COL22A1: variants seen among roughly 807,000 people sequenced by gnomAD.
The protein encoded by COL22A1 is collagen type XXII alpha 1 chain.
Under a neutral mutation model 248.9 loss-of-function variants are expected in COL22A1, and 221 were observed. The observed-to-expected ratio is 0.89, with a 90% CI of 0.80 to 0.99. COL22A1 has a LOEUF of 0.99. COL22A1 is among the 50% of genes least tolerant of loss of function. The pLI is 0.00. For missense variants in COL22A1, 2,240 were observed against 2,179.0 expected (o/e 1.03, Z -0.56); for synonymous variants, 891 against 793.4 (o/e 1.12, Z -2.07).
At chr8:138,852,465 G>A (rs1821716244) in intron 3 of COL22A1, among the ~76,000 whole-genome samples, 1 of 152,190 alleles carries the variant, frequency 6.6e-6, no homozygotes, top group South Asian at 2.1e-4. Flanking sequence ...TGAGTCCAAT[G>A]GTGGACATTT....
chr8:138,724,636 C>T lies in COL22A1; in HGVS notation c.2226G>A (p.Lys742=), dbSNP rs1830160802. Residue 742 remains lysine, a synonymous_variant, in exon 25 of 65, where the codon AAG becomes AAA. Coordinates refer to ENST00000303045, the MANE Select transcript of COL22A1 (RefSeq NM_152888.3). ...GLPGEIGFPG[K]PGPPGPTGPP... is the part of the protein sequence containing the mutation. ...TCACCGTGGGCCCAGGAGGTCCAGG[C>T]TTTCCCGGGAAGCCGATCTCTCCAG... is the stretch of plus-strand genomic sequence containing the variant. 6.2e-7 allele frequency: 1 copy of T among 1,614,186 alleles called. No homozygotes were observed. The highest frequency in any genetic ancestry group is 8.5e-7 in the Non-Finnish European group (1 of 1,180,010).
intron 30 of COL22A1, among the ~76,000 whole-genome samples, chr8:138,714,328 C>T (rs1339857299): frequency 2.0e-5 from 3 of 152,218 alleles, no homozygotes; most frequent in Non-Finnish European, 4.4e-5. Flanking sequence ...ATATCCACTC[C>T]TGTTCCTTTC....
At chr8:138,712,587 C>T (rs1829062452) in intron 30 of COL22A1, among the ~76,000 whole-genome samples, 1 of 14,306 alleles carries the variant, frequency 7.0e-5, no homozygotes, top group African/African-American at 1.7e-4. Flanking sequence ...AGGGTTCTAC[C>T]AGCAGAGAGC....
intron 21 of COL22A1, among the ~76,000 whole-genome samples, chr8:138,754,856 A>G (rs1563716431): frequency 6.6e-6 from 1 of 152,200 alleles, no homozygotes; most frequent in African/African-American, 2.4e-5. Context: ...TAAAACATCA[A>G]ACTGAATCCC....
chr8:138,906,348 T>C (rs941679262), intron 1 of COL22A1, among the ~76,000 whole-genome samples: 1 of 136,698 alleles, frequency 7.3e-6, no homozygotes, highest in Non-Finnish European at 1.5e-5. Flanking sequence ...CCAGCCTGGG[T>C]GACAGAGCAT....
intron 54 of COL22A1, 79 bp downstream of exon 54, chr8:138,616,835 C>T (rs1819364691): frequency 6.5e-7 from 1 of 1,540,420 alleles, no homozygotes; most frequent in Non-Finnish European, 9.0e-7. Flanking sequence ...CCATGGCCTG[C>T]AGGCTGCAAG....
In COL22A1 at chr8:138,616,015, A is replaced by AC. The variant is rs773575495; in HGVS notation, c.3909dup (p.Leu1304ValfsTer7). ...ACCCCACTTACATCTTTTCCTGGTA[A>AC]CCCTTCCTGACCAGGAAGCCCCATG... On this transcript the variant is annotated frameshift_variant, in exon 55 of 65. Coordinates refer to ENST00000303045, the MANE Select transcript of COL22A1 (RefSeq NM_152888.3). LOFTEE classifies it high-confidence loss of function. The AC allele has an allele frequency of 3.1e-6, 5 of 1,613,386 alleles. No homozygotes were observed. The highest frequency in any genetic ancestry group is 4.2e-6 in the Non-Finnish European group (5 of 1,179,594).
chr8:138,638,152 C>A (rs1821355367), intron 47 of COL22A1, among the ~76,000 whole-genome samples: 1 of 152,180 alleles, frequency 6.6e-6, no homozygotes, highest in African/African-American at 2.4e-5. Flanking sequence ...AAGAAAGTAA[C>A]ATCCAAAGGT....
chr8:138,779,216 A>G (rs1426575343), intron 14 of COL22A1, among the ~76,000 whole-genome samples: 1 of 152,268 alleles, frequency 6.6e-6, no homozygotes, highest in Non-Finnish European at 1.5e-5. Context: ...GGGTACATCC[A>G]ATACATCTAA....
chr8:138,683,115 T>C (rs1195947881), intron 39 of COL22A1, among the ~76,000 whole-genome samples: 1 of 152,186 alleles, frequency 6.6e-6, no homozygotes, highest in Non-Finnish European at 1.5e-5. Context: ...CTACCCTCTC[T>C]CCTAGCACTC....
intron 2 of COL22A1, 80 bp downstream of exon 2, chr8:138,883,002 C>A (rs1824357206): frequency 2.4e-6 from 3 of 1,275,996 alleles, no homozygotes; most frequent in Non-Finnish European, 3.3e-6. Context: ...CTTGCATGCA[C>A]ACACCACAGC....
chr8:138,776,282 T>C (rs1261829312), intron 15 of COL22A1, among the ~76,000 whole-genome samples: 1 of 152,142 alleles, frequency 6.6e-6, no homozygotes, highest in Non-Finnish European at 1.5e-5. Flanking sequence ...CTCACGGCCA[T>C]AGATTGGGAC....
chr8:138,794,115 G>C (rs988717329), intron 12 of COL22A1, among the ~76,000 whole-genome samples: 4 of 152,168 alleles, frequency 2.6e-5, no homozygotes, highest in Non-Finnish European at 5.9e-5. Flanking sequence ...GGCTGGGCAC[G>C]GTGGCTCACG....
intron 22 of COL22A1, among the ~76,000 whole-genome samples, chr8:138,739,563 T>G (rs1831394037): frequency 6.6e-6 from 1 of 152,186 alleles, no homozygotes; most frequent in Non-Finnish European, 1.5e-5. Context: ...CTACCCCTAC[T>G]GGGACACAAG....
intron 1 of COL22A1, among the ~76,000 whole-genome samples, chr8:138,890,166 G>C (rs138872963): frequency 6.6e-6 from 1 of 152,108 alleles, no homozygotes; most frequent in East Asian, 1.9e-4. Context: ...TGCAGAAAAA[G>C]CATTTGACAA....
intron 47 of COL22A1, among the ~76,000 whole-genome samples, chr8:138,638,235 T>C (rs1821363914): frequency 6.6e-6 from 1 of 152,240 alleles, no homozygotes; most frequent in African/African-American, 2.4e-5. Flanking sequence ...GCAAAATGTT[T>C]TTAAAACAAA....
chr8:138,639,693 C>G (rs1201581342), intron 47 of COL22A1, among the ~76,000 whole-genome samples: 2 of 152,110 alleles, frequency 1.3e-5, no homozygotes, highest in African/African-American at 4.8e-5. Flanking sequence ...CTTTTAAAAG[C>G]TAAATGAGAC....
intron 12 of COL22A1, among the ~76,000 whole-genome samples, chr8:138,791,659 C>T (rs374136474): frequency 2.0e-5 from 3 of 152,300 alleles, no homozygotes. Context: ...GCACACTTGG[C>T]ATCCTCTTCA....
At chr8:138,764,146 G>C (rs1449633191) in intron 16 of COL22A1, among the ~76,000 whole-genome samples, 1 of 152,160 alleles carries the variant, frequency 6.6e-6, no homozygotes, top group African/African-American at 2.4e-5. Context: ...CAGGTTCTTG[G>C]TTTTCAGCTC....
Sources: gnomAD v4.1 joint callset for allele counts (sites outside exome capture counted in the v4.1 genomes callset) on GRCh38, gnomAD v4.1.1 for gene constraint, MANE v1.5 for transcripts, NCBI Gene and HGNC (gene_info 2026-07-23, HGNC 2026-07-21) for gene names.